PCCA: variants seen among roughly 807,000 people sequenced by gnomAD.
PCCA encodes propionyl-CoA carboxylase subunit alpha.
Under a neutral mutation model 101.3 loss-of-function variants are expected in PCCA, and 74 were observed. That is an observed-to-expected ratio of 0.73 (90% CI 0.61 to 0.89). The LOEUF is 0.89. PCCA is among the 40% of genes least tolerant of loss of function. PCCA has a pLI of 0.00. For missense variants in PCCA, 891 were observed against 907.0 expected (o/e 0.98, Z 0.23); for synonymous variants, 294 against 313.6 (o/e 0.94, Z 0.66).
intron 6 of PCCA, among the ~76,000 whole-genome samples, chr13:100,194,584 A>AT (rs2057978401): frequency 1.3e-5 from 2 of 151,340 alleles, no homozygotes; most frequent in Admixed American, 1.3e-4. Context: ...CACCCAGCTA[A>AT]TTTTTTTTGT....
intron 6 of PCCA, among the ~76,000 whole-genome samples, chr13:100,191,974 T>C (rs1275130904): frequency 6.6e-6 from 1 of 152,230 alleles, no homozygotes; most frequent in Non-Finnish European, 1.5e-5. Context: ...GTTGGAATTA[T>C]TGAGAAAGAC....
chr13:100,158,666 A>G (rs1436008117), intron 6 of PCCA, among the ~76,000 whole-genome samples: 1 of 152,202 alleles, frequency 6.6e-6, no homozygotes, highest in African/African-American at 2.4e-5. Flanking sequence ...TATATATATA[A>G]TGTAATGTAT....
intron 19 of PCCA, among the ~76,000 whole-genome samples, chr13:100,421,820 G>A (rs766496586): frequency 2.0e-5 from 3 of 152,026 alleles, no homozygotes; most frequent in Non-Finnish European, 4.4e-5. Context: ...GAGTAGCTGG[G>A]ACTACAGGCA....
chr13:100,280,754 A>T (rs1389792170), intron 12 of PCCA, among the ~76,000 whole-genome samples: 1 of 150,896 alleles, frequency 6.6e-6, no homozygotes, highest in African/African-American at 2.5e-5. Flanking sequence ...GGAAAACTTT[A>T]GAAATAAACA....
intron 14 of PCCA, among the ~76,000 whole-genome samples, chr13:100,303,433 G>A (rs1043652924): frequency 1.3e-5 from 2 of 152,118 alleles, no homozygotes; most frequent in Non-Finnish European, 2.9e-5. Flanking sequence ...CAAACAAAGT[G>A]TGCCTCAGTC....
At chr13:100,306,601 AC>A (rs2066472725) in intron 14 of PCCA, among the ~76,000 whole-genome samples, 1 of 132,410 alleles carries the variant, frequency 7.6e-6, no homozygotes, top group African/African-American at 2.9e-5. Flanking sequence ...CTATCCCCCT[AC>A]CCCCCACCCC....
chr13:100,318,714 C>T (rs1000496867), intron 16 of PCCA, among the ~76,000 whole-genome samples: 10 of 152,116 alleles, frequency 6.6e-5, no homozygotes, highest in Non-Finnish European at 1.3e-4. Context: ...GCCACATTTT[C>T]TTAATCCAGT....
intron 20 of PCCA, among the ~76,000 whole-genome samples, chr13:100,445,464 A>G (rs2080760909): frequency 6.6e-6 from 1 of 152,244 alleles, no homozygotes. Flanking sequence ...GAAAATTTCA[A>G]GAATATATTA....
intron 20 of PCCA, among the ~76,000 whole-genome samples, chr13:100,446,493 T>G (rs374243291): frequency 1.1e-4 from 17 of 152,242 alleles, no homozygotes; most frequent in African/African-American, 4.1e-4. Flanking sequence ...ATTTTTCCAA[T>G]AATTCTGCTG....
intron 19 of PCCA, among the ~76,000 whole-genome samples, chr13:100,372,723 C>T (rs907079485): frequency 2.0e-5 from 3 of 151,994 alleles, no homozygotes; most frequent in African/African-American, 7.2e-5. Flanking sequence ...TTACAAATCA[C>T]ATAGATGATA....
intron 19 of PCCA, among the ~76,000 whole-genome samples, chr13:100,374,235 T>C (rs1200818821): frequency 6.6e-6 from 1 of 152,200 alleles, no homozygotes; most frequent in Non-Finnish European, 1.5e-5. Flanking sequence ...ATTTTATGTA[T>C]TTTAGGTCTT....
At chr13:100,317,123 C>A (rs531917330) in intron 16 of PCCA, among the ~76,000 whole-genome samples, 8 of 152,260 alleles carry the variant, frequency 5.3e-5, no homozygotes, top group African/African-American at 1.9e-4. Flanking sequence ...TTTGCAAAAA[C>A]ACTTGTAAAT....
rs879715535 is a variant in PCCA at position 100,428,062 on chromosome 13, A to AT, written c.1845+2343dup. 2.5e-3 allele frequency among the ~76,000 whole-genome samples: 360 copies of AT among 146,366 alleles called. 3 individuals are homozygous for AT. The highest frequency in any genetic ancestry group is 7.1e-3 in the African/African-American group (286 of 40,162). ...CCAGCTAGTAAGAGGTAAAGCCATG[A>AT]TTTTTTTTTTTTCTTTTTAAATGAG... On this transcript the variant is annotated intron_variant, in intron 20 of 23. Transcript: ENST00000376285.
chr13:100,482,339 A>G (rs1216414442), intron 21 of PCCA, among the ~76,000 whole-genome samples: 1 of 152,208 alleles, frequency 6.6e-6, no homozygotes. Flanking sequence ...GTTGACTTTC[A>G]GGATGAAGAG....
intron 10 of PCCA, 106 bp downstream of exon 10, chr13:100,262,937 T>C: frequency 1.5e-6 from 1 of 670,122 alleles, no homozygotes; most frequent in Non-Finnish European, 2.7e-6. Context: ...GTTGTGCCTT[T>C]AGAATCTGTT....
intron 19 of PCCA, among the ~76,000 whole-genome samples, chr13:100,396,115 C>G (rs2077035676): frequency 6.6e-6 from 1 of 152,232 alleles, no homozygotes; most frequent in East Asian, 1.9e-4. Context: ...AGAGAAACCT[C>G]TGTCACTTAC....
At chr13:100,258,657 G>GTTTC (rs1172383033) in intron 9 of PCCA, among the ~76,000 whole-genome samples, 26 of 152,098 alleles carry the variant, frequency 1.7e-4, no homozygotes, top group African/African-American at 6.3e-4. Context: ...ACTCTTTATA[G>GTTTC]TTTCTTGGAA....
chr13:100,150,559 CTTACGGCCG>C, intron 4 of PCCA: 2 of 1,273,476 alleles, frequency 1.6e-6, no homozygotes, highest in Non-Finnish European at 2.3e-6. Flanking sequence ...TGTGGTGGAA[CTTACGGCCG>C]TTTCCAAGGG....
intron 19 of PCCA, among the ~76,000 whole-genome samples, chr13:100,401,316 T>C (rs2077348278): frequency 6.6e-6 from 1 of 152,162 alleles, no homozygotes; most frequent in South Asian, 2.1e-4. Flanking sequence ...TGATCTTGAC[T>C]CACCACAACC....
Sources: allele counts gnomAD v4.1 joint callset (sites outside exome capture counted in the v4.1 genomes callset), GRCh38; gene constraint gnomAD v4.1.1; transcripts MANE v1.5; gene names NCBI Gene and HGNC (gene_info 2026-07-23, HGNC 2026-07-21).